The following UMAD1 variants were observed in gnomAD, a reference collection of about 807,000 sequenced individuals.
The protein encoded by UMAD1 is UBAP1-MVB12-associated (UMA)-domain containing protein 1.
UMAD1 carries 8 observed loss-of-function variants against 6.1 expected under a neutral mutation model. The observed-to-expected ratio is 1.30, with a 90% CI of 0.76 to 2.35. The LOEUF (loss-of-function observed/expected upper bound fraction) is 2.35. UMAD1 is among the 30% of genes most tolerant of loss of function. The pLI is 0.00. For synonymous variants in UMAD1, 56 were observed against 31.4 expected (o/e 1.78, Z -2.61); for missense variants, 130 against 78.4 (o/e 1.66, Z -2.49).
intron 2 of UMAD1, among the ~76,000 whole-genome samples, chr7:7,748,196 G>A (rs528546147): frequency 1.5e-3 from 225 of 151,324 alleles, no homozygotes; most frequent in Non-Finnish European, 2.8e-3. Context: ...CGCCCGCCTC[G>A]GCCTCCCAAA....
In UMAD1 at chr7:7,767,128, C is replaced by CTTTTTTT. The variant is rs71014711; in HGVS notation, c.83-34534_83-34528dup. ...AGTGAGCATTTCAAGAAATTAAGCT[C>CTTTTTTT]TTTTTTTTTTTTTTGAGACGGACTC... On this transcript the variant is annotated intron_variant, in intron 2 of 3. Transcript: ENST00000682710. Among the ~76,000 whole-genome samples the CTTTTTTT allele has an allele frequency of 5.4e-5, 7 of 129,814 alleles. 1 individual carries two copies. Among genetic ancestry groups the CTTTTTTT allele is most frequent in the South Asian group, 2.7e-4 (1 of 3,772 alleles). 85.2% of individuals were successfully genotyped at this position (129,814 alleles called of 152,430 possible). A position where few individuals can be genotyped will look rare whatever the true frequency, so the allele number is the denominator to read the frequency against.
intron 2 of UMAD1, among the ~76,000 whole-genome samples, chr7:7,797,419 G>A (rs1782708287): frequency 6.6e-6 from 1 of 152,100 alleles, no homozygotes; most frequent in South Asian, 2.1e-4. Flanking sequence ...ACCTATTATG[G>A]TTACATTAAG....
chr7:7,642,022 C>A (rs1784985208), intron 1 of UMAD1, among the ~76,000 whole-genome samples: 2 of 152,152 alleles, frequency 1.3e-5, no homozygotes, highest in Non-Finnish European at 2.9e-5. Flanking sequence ...TGTATTGGTG[C>A]AAGTCAGTAA....
intron 3 of UMAD1, among the ~76,000 whole-genome samples, chr7:7,844,111 G>A (rs1783738491): frequency 6.6e-6 from 1 of 152,152 alleles, no homozygotes; most frequent in Admixed American, 6.6e-5. Flanking sequence ...AAAAATGTAT[G>A]CCAAAATTAT....
chr7:7,665,921 T>C (rs79651949), intron 1 of UMAD1, among the ~76,000 whole-genome samples: 3,999 of 152,118 alleles, frequency 0.026, 192 homozygotes, highest in African/African-American at 0.091. Context: ...TTTTTAAAAA[T>C]CCATTTACCT....
At chr7:7,735,321 TA>T (rs891108171) in intron 2 of UMAD1, among the ~76,000 whole-genome samples, 1 of 152,184 alleles carries the variant, frequency 6.6e-6, no homozygotes, top group Non-Finnish European at 1.5e-5. Context: ...ACACATACTC[TA>T]AAGACTTCTG....
intron 2 of UMAD1, among the ~76,000 whole-genome samples, chr7:7,794,320 AGGAAC>A (rs1352784602): frequency 2.0e-5 from 3 of 152,188 alleles, no homozygotes; most frequent in African/African-American, 7.2e-5. Context: ...GGGAGGAAAA[AGGAAC>A]AGATGGAGAC....
At chr7:7,723,026 A>G (rs1781078490) in intron 2 of UMAD1, among the ~76,000 whole-genome samples, 1 of 98,814 alleles carries the variant, frequency 1.0e-5, no homozygotes, top group South Asian at 4.2e-4. Context: ...TGCCTGAGGC[A>G]ACAGTGATGG....
chr7:7,693,295 TTATCTATCTATC>T (rs1250261083), intron 2 of UMAD1, among the ~76,000 whole-genome samples: 21 of 148,886 alleles, frequency 1.4e-4, no homozygotes, highest in East Asian at 4.0e-4. Context: ...TAAAATATCT[TTATCTATCTATC>T]TATCTATCTA....
intron 2 of UMAD1, among the ~76,000 whole-genome samples, chr7:7,771,397 TA>T (rs1327793632): frequency 1.3e-5 from 2 of 152,068 alleles, no homozygotes; most frequent in African/African-American, 2.4e-5. Context: ...AGCTGATGGT[TA>T]GGGGGTGCCA....
At chr7:7,759,428 C>G (rs992458797) in intron 2 of UMAD1, among the ~76,000 whole-genome samples, 1 of 152,228 alleles carries the variant, frequency 6.6e-6, no homozygotes, top group African/African-American at 2.4e-5. Flanking sequence ...CTACTTGATT[C>G]CATAAGAGTC....
chr7:7,872,958 CAAAAG>C (rs1784358082), intron 3 of UMAD1, among the ~76,000 whole-genome samples: 1 of 152,142 alleles, frequency 6.6e-6, no homozygotes, highest in African/African-American at 2.4e-5. Flanking sequence ...CAGTGAGTGT[CAAAAG>C]AGATGAATGG....
At chr7:7,730,668 G>C (rs1471161555) in intron 2 of UMAD1, among the ~76,000 whole-genome samples, 2 of 152,060 alleles carry the variant, frequency 1.3e-5, no homozygotes, top group Admixed American at 1.3e-4. Flanking sequence ...TAAATAATAG[G>C]CATGTACTAA....
chr7:7,731,444 GAAGAAA>G (rs942533361), intron 2 of UMAD1, among the ~76,000 whole-genome samples: 1 of 141,764 alleles, frequency 7.1e-6, no homozygotes, highest in African/African-American at 2.7e-5. Context: ...TAGCAGTGAG[GAAGAAA>G]AAGGAAAAGG....
At chr7:7,876,782 C>T (rs974745779) in intron 3 of UMAD1, among the ~76,000 whole-genome samples, 1 of 152,104 alleles carries the variant, frequency 6.6e-6, no homozygotes, top group African/African-American at 2.4e-5. Flanking sequence ...TTCAAGGACC[C>T]TATAGTCTAG....
intron 2 of UMAD1, among the ~76,000 whole-genome samples, chr7:7,733,612 C>G (rs991702988): frequency 5.4e-5 from 8 of 147,322 alleles, no homozygotes; most frequent in Admixed American, 4.8e-4. Context: ...AGACATTGTA[C>G]AGAATTATCC....
chr7:7,842,030 T>C (rs1783690813), intron 3 of UMAD1, among the ~76,000 whole-genome samples: 1 of 152,194 alleles, frequency 6.6e-6, no homozygotes, highest in African/African-American at 2.4e-5. Context: ...CAGTAAACAA[T>C]GTAATTTCTG....
chr7:7,673,514 G>T (rs1779664309), intron 2 of UMAD1, 61 bp downstream of exon 2: 1 of 669,124 alleles, frequency 1.5e-6, no homozygotes, highest in Admixed American at 2.4e-5. Context: ...AAAATTACTT[G>T]AAAATTATAT....
intron 3 of UMAD1, among the ~76,000 whole-genome samples, chr7:7,853,837 T>C (rs996008676): frequency 6.6e-5 from 10 of 152,278 alleles, no homozygotes; most frequent in Admixed American, 5.9e-4. Flanking sequence ...CTAGAACCTC[T>C]GGTACAATGT....
Sources: gnomAD v4.1 joint callset for allele counts (sites outside exome capture counted in the v4.1 genomes callset) on GRCh38, gnomAD v4.1.1 for gene constraint, MANE v1.5 for transcripts, NCBI Gene and HGNC (gene_info 2026-07-23, HGNC 2026-07-21) for gene names.